Variants in SHPRH observed in about 807,000 individuals in gnomAD.
SHPRH encodes the protein E3 ubiquitin-protein ligase SHPRH.
Under a neutral mutation model 202.5 loss-of-function variants are expected in SHPRH, and 106 were observed. The observed-to-expected ratio is 0.52, with a 90% CI of 0.45 to 0.62. The LOEUF (loss-of-function observed/expected upper bound fraction) is 0.62. SHPRH is among the 20% of genes least tolerant of loss of function. The probability of loss-of-function intolerance (pLI) is 0.00; values close to 1 mark genes in which losing one functional copy is unlikely to be tolerated. For synonymous variants in SHPRH, 729 were observed against 686.0 expected (o/e 1.06, Z -0.98); for missense variants, 1,710 against 2,020.0 (o/e 0.85, Z 2.94).
chr6:145,864,702 T>TA lies in SHPRH; in HGVS notation c.222-212dup, dbSNP rs201073110. Among the ~76,000 whole-genome samples the TA allele has an allele frequency of 1.7e-3, 246 of 148,438 alleles. 2 individuals are homozygous for TA. The highest frequency in any genetic ancestry group is 1.3e-3 in the Non-Finnish European group (89 of 66,978). On this transcript the variant is annotated intron_variant, in intron 2 of 2. Transcript: ENST00000417762. ...AATGTTTGGAGAATAAAGCTAAGGT[T>TA]AAAAAAAAAGAGAAACTGCATTCTT...
chr6:145,931,142 T>C (rs912867155), intron 14 of SHPRH, among the ~76,000 whole-genome samples: 2 of 152,112 alleles, frequency 1.3e-5, no homozygotes, highest in Non-Finnish European at 2.9e-5. Context: ...AGGTTTCTTA[T>C]AGAGAACATA....
intron 23 of SHPRH, chr6:145,917,342 A>G (rs923283182): frequency 1.3e-5 from 2 of 152,152 alleles, no homozygotes; most frequent in African/African-American, 4.8e-5. Flanking sequence ...ATAAAGTCAC[A>G]TATCTAGAAA....
At chr6:145,881,939 A>T (rs1273407687), downstream of SHPRH, among the ~76,000 whole-genome samples, 1 of 152,112 alleles carries the variant, frequency 6.6e-6, no homozygotes, top group Non-Finnish European at 1.5e-5. Context: ...CGCTGTCTCT[A>T]CAAAAAATTA....
At chr6:145,940,250 T>C (rs1420381755) in intron 11 of SHPRH, among the ~76,000 whole-genome samples, 2 of 152,172 alleles carry the variant, frequency 1.3e-5, no homozygotes, top group Non-Finnish European at 2.9e-5. Flanking sequence ...ATAACTTATA[T>C]AATTACTAAA....
At chr6:145,859,035 T>C in the SHPRH span, among the ~76,000 whole-genome samples, 25 of 152,064 alleles carry the variant, frequency 1.6e-4, no homozygotes, top group Admixed American at 4.6e-4. Flanking sequence ...TTAACAAATA[T>C]ACTTTTAATT....
At chr6:145,906,538 A>T (rs762297901) in intron 25 of SHPRH, 1 of 152,076 alleles carries the variant, frequency 6.6e-6, no homozygotes, top group Non-Finnish European at 1.5e-5. Flanking sequence ...CCTTCTTTTC[A>T]AGAAACTTGT....
chr6:145,908,961 T>C (rs1371271289), intron 25 of SHPRH: 5 of 152,178 alleles, frequency 3.3e-5, no homozygotes, highest in African/African-American at 1.2e-4. Flanking sequence ...TTCAGTTTTC[T>C]GCATATGGCT....
At chr6:145,873,614 C>A (rs368417299) in intron 2 of SHPRH, among the ~76,000 whole-genome samples, 9 of 151,382 alleles carry the variant, frequency 5.9e-5, no homozygotes, top group African/African-American at 1.9e-4. Flanking sequence ...AACCAGCATG[C>A]CCATGCTTCC....
At chr6:145,938,911 T>A (rs1786421785) in intron 11 of SHPRH, among the ~76,000 whole-genome samples, 1 of 152,188 alleles carries the variant, frequency 6.6e-6, no homozygotes, top group South Asian at 2.1e-4. Context: ...GATGACATTA[T>A]TTCAGTCTGG....
At chr6:145,911,772 G>T (rs1195507117) in intron 24 of SHPRH, among the ~76,000 whole-genome samples, 6 of 152,004 alleles carry the variant, frequency 3.9e-5, no homozygotes, top group Non-Finnish European at 8.8e-5. Flanking sequence ...CTTTGGAAAA[G>T]AACTCACATT....
chr6:145,946,121 A>G (rs777241106), intron 7 of SHPRH, 112 bp downstream of exon 7: 14 of 708,040 alleles, frequency 2.0e-5, no homozygotes, highest in Non-Finnish European at 2.6e-5. Flanking sequence ...AAAAGCATAT[A>G]TAACTGTAAA....
In SHPRH at chr6:145,937,158, A is replaced by AT. The variant is rs1786198225; in HGVS notation, c.2570-1718dup. On this transcript the variant is annotated intron_variant, in intron 11 of 29. Coordinates refer to ENST00000275233, the MANE Select transcript of SHPRH (RefSeq NM_001042683.3). The stretch of plus-strand genomic sequence containing the variant: ...GCCACCATGTCCAGCTAATTTTTGT[A>AT]TTTTTAGTAGAGACGAGGCTTCATC... Among the ~76,000 whole-genome samples, 4 of 151,566 alleles carry AT rather than the reference A, an allele frequency of 2.6e-5. No individual in the cohort carries two copies. The South Asian group carries it at 8.4e-4, about 32-fold the overall frequency.
At chr6:145,888,397 A>C (rs1348378900) in intron 28 of SHPRH, among the ~76,000 whole-genome samples, 2 of 152,118 alleles carry the variant, frequency 1.3e-5, no homozygotes, top group Non-Finnish European at 2.9e-5. Flanking sequence ...CAGTAGGCAA[A>C]GGAGGAGTAG....
chr6:145,953,827 A>T (rs1389541642), intron 2 of SHPRH, among the ~76,000 whole-genome samples: 1 of 152,038 alleles, frequency 6.6e-6, no homozygotes, highest in Non-Finnish European at 1.5e-5. Context: ...TGATTCACAT[A>T]AAGTTATTTG....
chr6:145,932,330 T>C (rs1469954841), intron 14 of SHPRH, among the ~76,000 whole-genome samples: 2 of 152,030 alleles, frequency 1.3e-5, no homozygotes, highest in South Asian at 2.1e-4. Flanking sequence ...AAAACTACAA[T>C]AACAGGCAAA....
At chr6:145,951,983 T>C (rs1788029962) in intron 3 of SHPRH, 1 of 437,552 alleles carries the variant, frequency 2.3e-6, no homozygotes, top group South Asian at 1.6e-5. Flanking sequence ...TTTGAAATTA[T>C]TTGTCAGACT....
At chr6:145,919,627 T>C (rs2128747598) in intron 21 of SHPRH, 136 bp from the exon 22 acceptor site, 1 of 946,982 alleles carries the variant, frequency 1.1e-6, no homozygotes, top group South Asian at 2.0e-5. Context: ...TACAAGTAGT[T>C]CCTGGGGTCA....
rs373510629 is a variant in SHPRH, at chr6:145,955,049, A to G, written c.274T>C (p.Phe92Leu). 2.0e-5 allele frequency: 32 copies of G among 1,613,212 alleles called. No homozygotes were observed. The highest frequency in any genetic ancestry group is 2.6e-5 in the Non-Finnish European group (31 of 1,179,954). Residue 92 changes from phenylalanine (F) to leucine (L), a missense_variant, in exon 2 of 30, where the codon TTT becomes CTT. Physicochemically the swap from Phe to Leu is conservative, Grantham distance 22. Transcript: ENST00000275233. ...TTTAACTTTACAGACAAAGGGGAAA[A>G]AATACCAACAGTCTCTTCTTTTTCA... ...PIEKEETVGI[F>L]SPLSVKLNIV...
At chr6:145,887,610 A>ACTG (rs1328840873) in intron 29 of SHPRH, among the ~76,000 whole-genome samples, 1 of 141,584 alleles carries the variant, frequency 7.1e-6, no homozygotes, top group African/African-American at 2.7e-5. Flanking sequence ...ATCTTGGCTC[A>ACTG]CTGCAACCTC....
Sources: allele counts gnomAD v4.1 joint callset (sites outside exome capture counted in the v4.1 genomes callset), GRCh38; gene constraint gnomAD v4.1.1; transcripts MANE v1.5; gene names NCBI Gene and HGNC (gene_info 2026-07-23, HGNC 2026-07-21).